CECR2: variants seen among roughly 807,000 people sequenced by gnomAD.
CECR2 encodes CECR2 histone acetyl-lysine reader.
Under a neutral mutation model 154.5 loss-of-function variants are expected in CECR2, and 30 were observed. That is an observed-to-expected ratio of 0.19 (90% CI 0.15 to 0.26). CECR2 has a LOEUF of 0.26. Ranked by LOEUF, CECR2 falls within the 10% of genes least tolerant of loss-of-function variation. The pLI is 1.00. For missense variants in CECR2, 1,743 were observed against 1,829.3 expected, an observed-to-expected ratio of 0.95 and a Z score of 0.86; for synonymous variants, 725 against 683.7, an observed-to-expected ratio of 1.06 and a Z score of -0.94.
chr22:17,367,357 G>A (rs1239278991), upstream of CECR2, among the ~76,000 whole-genome samples: 1 of 152,004 alleles, frequency 6.6e-6, no homozygotes, highest in Non-Finnish European at 1.5e-5. Context: ...AAAAGATAAA[G>A]GCAGGGAAAC....
chr22:17,435,215 T>G (rs974270481), intron 1 of CECR2, among the ~76,000 whole-genome samples: 1 of 152,140 alleles, frequency 6.6e-6, no homozygotes, highest in African/African-American at 2.4e-5. Flanking sequence ...TTCTTTTTTT[T>G]TAATGTTGGA....
chr22:17,504,529 C>T (rs886214407), intron 6 of CECR2, among the ~76,000 whole-genome samples: 38 of 152,032 alleles, frequency 2.5e-4, no homozygotes, highest in African/African-American at 7.2e-4. Flanking sequence ...CTCCGCCTCC[C>T]GGGTTCACGC....
intron 1 of CECR2, among the ~76,000 whole-genome samples, chr22:17,434,163 C>G (rs372821897): frequency 6.6e-6 from 1 of 152,070 alleles, no homozygotes; most frequent in South Asian, 2.1e-4. Flanking sequence ...AATGAAGAGG[C>G]CTTTTGCTTC....
At position 17,552,926 on chromosome 22, in the gene CECR2, A is replaced by AT; in HGVS notation, c.*88dup. 6.5e-7 allele frequency: 1 copy of AT among 1,528,136 alleles called. No homozygotes were observed. The highest frequency in any genetic ancestry group is 2.2e-5 in the Admixed American group (1 of 44,496). The allele number at this position is 1,528,136 out of a possible 1,614,324, so 94.7% of individuals were successfully genotyped here. A position where few individuals can be genotyped will look rare whatever the true frequency, so the allele number is the denominator to read the frequency against. ...AACTGGGGAGTGCCCTGTCAGCTCT[A>AT]TTCCCATCACCTGCTCCACCCCTTC... On this transcript the variant is annotated 3_prime_UTR_variant, in exon 19 of 19. Transcript: ENST00000262608.
intron 14 of CECR2, 38 bp downstream of exon 14, chr22:17,540,838 G>C: frequency 6.7e-7 from 1 of 1,500,810 alleles, no homozygotes; most frequent in Non-Finnish European, 8.9e-7. Flanking sequence ...GTTTCTCCTA[G>C]TTTGTGAGTT....
intron 1 of CECR2, among the ~76,000 whole-genome samples, chr22:17,471,360 C>A (rs547191151): frequency 6.6e-6 from 1 of 152,086 alleles, no homozygotes; most frequent in South Asian, 2.1e-4. Flanking sequence ...TATAATTGTT[C>A]TAGTCACCTA....
chr22:17,405,207 C>G (rs573350683), intron 1 of CECR2, among the ~76,000 whole-genome samples: 5 of 152,024 alleles, frequency 3.3e-5, no homozygotes, highest in African/African-American at 7.2e-5. Context: ...GTCAGGAGTT[C>G]AAGACCAGCC....
chr22:17,408,598 A>G (rs1406675714), intron 1 of CECR2, among the ~76,000 whole-genome samples: 1 of 152,336 alleles, frequency 6.6e-6, no homozygotes, highest in East Asian at 1.9e-4. Flanking sequence ...ACACCATTCC[A>G]GGTCCTGCAT....
At chr22:17,446,383 G>A (rs1011899465) in intron 1 of CECR2, among the ~76,000 whole-genome samples, 1 of 152,120 alleles carries the variant, frequency 6.6e-6, no homozygotes, top group Admixed American at 6.5e-5. Context: ...CATCAAGAAC[G>A]AAGCCACGGA....
At chr22:17,446,879 G>C (rs1202148445) in intron 1 of CECR2, among the ~76,000 whole-genome samples, 1 of 152,004 alleles carries the variant, frequency 6.6e-6, no homozygotes, top group Non-Finnish European at 1.5e-5. Flanking sequence ...CCCACATCCT[G>C]CTGATTGGTC....
rs2056756938 is a variant in CECR2, at chr22:17,554,916, G to C, written c.*2076G>C. 1 of 152,260 alleles carries C rather than the reference G, an allele frequency of 6.6e-6. No individual in the cohort carries two copies. Among genetic ancestry groups the C allele is most frequent in the African/African-American group, 2.4e-5 (1 of 41,456 alleles). 9.4% of individuals were successfully genotyped at this position (152,260 alleles called of 1,614,324 possible). ...GGAGGAGGTAAAAAGCTAGTTTGGAGCTGGTTAGACCTGGTCTAGGCCCAG... is the reference window on the plus strand; with the variant it reads ...GGAGGAGGTAAAAAGCTAGTTTGGACCTGGTTAGACCTGGTCTAGGCCCAG... On this transcript the variant is annotated 3_prime_UTR_variant, in exon 19 of 19. Transcript: ENST00000262608.
In CECR2 at chr22:17,394,197, C is replaced by CTTTTTTTTTTTTTTTTTTTTTTTTTTTTT. The variant is rs71200271; in HGVS notation, c.126+24314_126+24315insTTTTTTTTTTTTTTTTTTTTTTTTTTTTT. On this transcript the variant is annotated intron_variant, in intron 1 of 18. Coordinates refer to ENST00000262608, the MANE Select transcript of CECR2 (RefSeq NM_001290047.2). Reference sequence around the variant, plus strand: ...CCACCGCGCCCAGCTGCTGCCGCTGCTTTTTTTTTTTTTTTTTTTTTTTTT... The same window carrying CTTTTTTTTTTTTTTTTTTTTTTTTTTTTT: ...CCACCGCGCCCAGCTGCTGCCGCTGCTTTTTTTTTTTTTTTTTTTTTTTTTTTTTTTTTTTTTTTTTTTTTTTTTTTTTT... Among the ~76,000 whole-genome samples, 4 of 97,088 alleles carry CTTTTTTTTTTTTTTTTTTTTTTTTTTTTT rather than the reference C, an allele frequency of 4.1e-5. 2 individuals carry two copies. The allele number at this position is 97,088 out of a possible 152,430, so 63.7% of individuals were successfully genotyped here.
At chr22:17,381,893 T>TTG (rs1555900160) in intron 1 of CECR2, among the ~76,000 whole-genome samples, 1,820 of 148,532 alleles carry the variant, frequency 0.012, 32 homozygotes, top group African/African-American at 0.044. Flanking sequence ...CATTTTTTTT[T>TTG]TTTGTTTTTT....
At chr22:17,465,718 C>T (rs1452964771) in intron 1 of CECR2, among the ~76,000 whole-genome samples, 2 of 151,958 alleles carry the variant, frequency 1.3e-5, no homozygotes, top group African/African-American at 2.4e-5. Flanking sequence ...CTCCTGACCT[C>T]GTGATCCCCC....
At chr22:17,546,485 C>CAAAAA (rs35754406) in intron 16 of CECR2, among the ~76,000 whole-genome samples, 12 of 67,634 alleles carry the variant, frequency 1.8e-4, no homozygotes, top group African/African-American at 5.2e-4. Flanking sequence ...GACTCTGTCT[C>CAAAAA]AAAAAAAAAA....
At chr22:17,523,375 T>C (rs868269182) in intron 8 of CECR2, among the ~76,000 whole-genome samples, 2 of 148,606 alleles carry the variant, frequency 1.3e-5, no homozygotes, top group Middle Eastern at 6.8e-3. Flanking sequence ...TGAGATTCCA[T>C]CTCAAAAAAA....
intron 3 of CECR2, among the ~76,000 whole-genome samples, chr22:17,498,401 A>AT (rs2055672129): frequency 6.6e-6 from 1 of 151,300 alleles, no homozygotes; most frequent in South Asian, 2.1e-4. Context: ...TAAAAAAAAA[A>AT]AAAAGTATAT....
At chr22:17,551,226 G>C (rs2056703631) in intron 17 of CECR2, among the ~76,000 whole-genome samples, 1 of 152,080 alleles carries the variant, frequency 6.6e-6, no homozygotes. Flanking sequence ...ATTTCAAAAC[G>C]ATTACCACAC....
chr22:17,414,264 G>A (rs549104427), intron 1 of CECR2, among the ~76,000 whole-genome samples: 87 of 152,312 alleles, frequency 5.7e-4, no homozygotes, highest in Admixed American at 2.4e-3. Flanking sequence ...GAGCCACTGC[G>A]CCCGGCGGAA....
Sources: gnomAD v4.1 joint callset for allele counts (sites outside exome capture counted in the v4.1 genomes callset) on GRCh38, gnomAD v4.1.1 for gene constraint, MANE v1.5 for transcripts, NCBI Gene and HGNC (gene_info 2026-07-23, HGNC 2026-07-21) for gene names.